NCK1: variants seen among roughly 807,000 people sequenced by gnomAD.
NCK1 encodes SH2/SH3 adapter protein NCK1.
Under a neutral mutation model 36.6 loss-of-function variants are expected in NCK1, and 19 were observed. The ratio of observed to expected loss-of-function variants is 0.52; its 90% CI spans 0.36 to 0.76. NCK1 has a LOEUF of 0.76. Among genes scored for constraint, NCK1 ranks in the 30% least tolerant of loss-of-function variants. The pLI, the probability that NCK1 is intolerant of heterozygous loss-of-function variation, is 0.00. For missense variants in NCK1, 358 were observed against 445.6 expected (o/e 0.80, Z 1.77); for synonymous variants, 165 against 156.0 (o/e 1.06, Z -0.43).
At chr3:136,879,762 G>A (rs1938876197) in intron 1 of NCK1, among the ~76,000 whole-genome samples, 1 of 151,994 alleles carries the variant, frequency 6.6e-6, no homozygotes, top group African/African-American at 2.4e-5. Context: ...TCACAAGGAC[G>A]GAAAACCAAA....
chr3:136,879,612 A>C (rs1938872760), intron 1 of NCK1, among the ~76,000 whole-genome samples: 1 of 152,194 alleles, frequency 6.6e-6, no homozygotes, highest in African/African-American at 2.4e-5. Context: ...AACCAACCCA[A>C]ATGTCCATCA....
chr3:136,915,104 A>G lies in NCK1; in HGVS notation c.-18-12880A>G, dbSNP rs1576974524. Among the ~76,000 whole-genome samples, 5 of 150,322 alleles carry G rather than the reference A, an allele frequency of 3.3e-5. 1 individual carries two copies. In the Middle Eastern group the frequency reaches 0.017, roughly 526 times the overall value. On this transcript the variant is annotated intron_variant, in intron 1 of 3. Coordinates refer to ENST00000481752, the MANE Select transcript of NCK1 (RefSeq NM_001291999.2). ...TAGCCATGAGAATTTTGAGCCAAAT[A>G]AGCCTTTTTTCTTTATAGATTAGCC...
Position 136,938,166 on chromosome 3 carries a change from TG to T in NCK1, c.227-7416del, listed in dbSNP as rs1322875477. On this transcript the variant is annotated intron_variant, in intron 2 of 3. Coordinates refer to ENST00000481752, the MANE Select transcript of NCK1 (RefSeq NM_001291999.2). ...TTCTGCATCAATTGAGATAGTCATTTGTTTTTTCCCCTTTGTTTTACTAATA... is the reference window on the plus strand; with the variant it reads ...TTCTGCATCAATTGAGATAGTCATTTTTTTTTCCCCTTTGTTTTACTAATA... Among the ~76,000 whole-genome samples the T allele has an allele frequency of 2.6e-5, 4 of 152,224 alleles. No individual in the cohort carries two copies. The East Asian group carries it at 7.7e-4, about 29-fold the overall frequency.
chr3:136,947,204 T>A (rs193126828), intron 3 of NCK1, among the ~76,000 whole-genome samples: 2 of 152,124 alleles, frequency 1.3e-5, no homozygotes, highest in Non-Finnish European at 2.9e-5. Context: ...AGAAAAGCAG[T>A]TGGTTGGCAG....
intron 1 of NCK1, among the ~76,000 whole-genome samples, chr3:136,890,942 T>C (rs1258367469): frequency 3.9e-5 from 6 of 152,228 alleles, no homozygotes; most frequent in Non-Finnish European, 8.8e-5. Context: ...TCTCTATGAA[T>C]TTGACAACTC....
At chr3:136,925,066 C>G (rs769519595) in intron 1 of NCK1, among the ~76,000 whole-genome samples, 1 of 152,140 alleles carries the variant, frequency 6.6e-6, no homozygotes, top group Non-Finnish European at 1.5e-5. Context: ...ATTCATTATA[C>G]TATTCTCTTC....
At chr3:136,909,286 A>T (rs1262448370) in intron 1 of NCK1, among the ~76,000 whole-genome samples, 1 of 152,212 alleles carries the variant, frequency 6.6e-6, no homozygotes. Context: ...CAAAGAAAAT[A>T]TGTGAATTGG....
intron 1 of NCK1, chr3:136,899,915 G>A (rs1939495832): frequency 2.2e-6 from 2 of 924,448 alleles, no homozygotes; most frequent in Admixed American, 3.6e-5. Context: ...CTTCTTTCTG[G>A]AGATTGTTCA....
chr3:136,878,452 T>G (rs1279051313), intron 1 of NCK1, among the ~76,000 whole-genome samples: 1 of 152,134 alleles, frequency 6.6e-6, no homozygotes, highest in Non-Finnish European at 1.5e-5. Context: ...AAGACCACAT[T>G]GTATGATTCC....
At chr3:136,899,202 TG>T in intron 1 of NCK1, 1 of 233,926 alleles carries the variant, frequency 4.3e-6, no homozygotes. Flanking sequence ...TTCCAGATGC[TG>T]GTAGAACCAT....
At chr3:136,926,246 T>C (rs1026808853) in intron 1 of NCK1, among the ~76,000 whole-genome samples, 2 of 149,430 alleles carry the variant, frequency 1.3e-5, no homozygotes, top group Admixed American at 1.3e-4. Flanking sequence ...TTAGCTCTTT[T>C]TAAAATTTTA....
chr3:136,897,318 C>T (rs1007250465), intron 1 of NCK1, among the ~76,000 whole-genome samples: 3 of 152,130 alleles, frequency 2.0e-5, no homozygotes, highest in African/African-American at 7.2e-5. Flanking sequence ...TCTGAAACTC[C>T]TGACCTCAAG....
intron 1 of NCK1, among the ~76,000 whole-genome samples, chr3:136,926,750 T>C (rs1940251734): frequency 6.6e-6 from 1 of 152,160 alleles, no homozygotes; most frequent in African/African-American, 2.4e-5. Context: ...TTTCCAAACG[T>C]GGTATTTCAA....
At chr3:136,893,671 A>G (rs1340131855) in intron 1 of NCK1, among the ~76,000 whole-genome samples, 6 of 152,098 alleles carry the variant, frequency 3.9e-5, no homozygotes, top group Non-Finnish European at 8.8e-5. Flanking sequence ...TTTTTGAGGC[A>G]TGAGACTTTT....
chr3:136,870,512 C>T (rs1938581959), intron 1 of NCK1, among the ~76,000 whole-genome samples: 4 of 151,736 alleles, frequency 2.6e-5, no homozygotes, highest in Admixed American at 2.6e-4. Flanking sequence ...TAGGGCTGGG[C>T]AGTTTTTTTT....
At chr3:136,930,586 AT>A in intron 2 of NCK1, 5 of 1,483,616 alleles carry the variant, frequency 3.4e-6, no homozygotes, top group South Asian at 1.3e-5. Context: ...GTCTTTAAAG[AT>A]TTTTTCAGTA....
intron 2 of NCK1, among the ~76,000 whole-genome samples, chr3:136,942,942 A>T (rs149770302): frequency 2.0e-5 from 3 of 152,328 alleles, no homozygotes; most frequent in African/African-American, 7.2e-5. Flanking sequence ...AGACAAGTTG[A>T]AACCCACAAT....
intron 1 of NCK1, among the ~76,000 whole-genome samples, chr3:136,879,817 G>A (rs1249886304): frequency 2.0e-5 from 3 of 151,770 alleles, no homozygotes; most frequent in Non-Finnish European, 4.4e-5. Flanking sequence ...ACAGGGAGGG[G>A]AACATCACAC....
rs1241433455 is a variant in NCK1, at chr3:136,950,062, AGTT to A, written c.*1610_*1612del. On this transcript the variant is annotated 3_prime_UTR_variant, in exon 4 of 4. Coordinates refer to ENST00000481752, the MANE Select transcript of NCK1 (RefSeq NM_001291999.2). ...TCCTTTGTTGAGGGTAATTATTAGT[AGTT>A]AAGTTTTTAATGGAAATAAAAATCA... Among the ~76,000 whole-genome samples the A allele has an allele frequency of 6.6e-6, 1 of 152,108 alleles. No homozygotes were observed. The highest frequency in any genetic ancestry group is 1.5e-5 in the Non-Finnish European group (1 of 67,960).
Sources: gnomAD v4.1 joint callset for allele counts (sites outside exome capture counted in the v4.1 genomes callset) on GRCh38, gnomAD v4.1.1 for gene constraint, MANE v1.5 for transcripts, NCBI Gene and HGNC (gene_info 2026-07-23, HGNC 2026-07-21) for gene names.